CCDC3: variants seen among roughly 807,000 people sequenced by gnomAD.
The protein encoded by CCDC3 is coiled-coil domain containing 3.
Under a neutral mutation model 21.4 loss-of-function variants are expected in CCDC3, and 24 were observed. The observed-to-expected ratio is 1.12, with a 90% CI of 0.81 to 1.58. The LOEUF is 1.58. CCDC3 is among the 40% of genes most tolerant of loss of function. The probability of loss-of-function intolerance (pLI) is 0.00; values close to 1 mark genes in which losing one functional copy is unlikely to be tolerated. For missense variants in CCDC3, 425 were observed against 360.9 expected (o/e 1.18, Z -1.44); for synonymous variants, 186 against 166.0 (o/e 1.12, Z -0.93).
chr10:12,905,291 A>ATGTTT (rs1349653160), intron 2 of CCDC3, among the ~76,000 whole-genome samples: 1 of 152,240 alleles, frequency 6.6e-6, no homozygotes, highest in African/African-American at 2.4e-5. Flanking sequence ...TCATCAGTTT[A>ATGTTT]TGTTTTGTTT....
chr10:13,077,589 C>T lies in CCDC3; in HGVS notation c.-502-3489G>A, dbSNP rs187002563. Among the ~76,000 whole-genome samples the T allele has an allele frequency of 3.9e-3, 591 of 152,216 alleles. 3 individuals carry two copies. Among genetic ancestry groups the T allele is most frequent in the African/African-American group, 0.013 (546 of 41,520 alleles). On this transcript the variant is annotated intron_variant, in intron 3 of 6. Transcript: ENST00000378839. Reference sequence around the variant, plus strand: ...CAAAAGAACAAAGCTGGAGGCATCACGCTACCTGACTTCAAACTATACTAC... The same window carrying T: ...CAAAAGAACAAAGCTGGAGGCATCATGCTACCTGACTTCAAACTATACTAC...
chr10:13,060,937 A>C (rs889308905), intron 4 of CCDC3, among the ~76,000 whole-genome samples: 2 of 152,208 alleles, frequency 1.3e-5, no homozygotes, highest in African/African-American at 2.4e-5. Context: ...TGGAGTGAAA[A>C]ATTCAAGGAA....
At chr10:13,056,740 C>T (rs970601185) in intron 4 of CCDC3, among the ~76,000 whole-genome samples, 6 of 152,136 alleles carry the variant, frequency 3.9e-5, no homozygotes, top group Admixed American at 3.9e-4. Flanking sequence ...AGAATCAGAA[C>T]TTAGTACTCT....
intron 2 of CCDC3, among the ~76,000 whole-genome samples, chr10:12,970,844 C>A (rs547027181): frequency 2.0e-5 from 3 of 150,720 alleles, no homozygotes; most frequent in African/African-American, 7.3e-5. Context: ...GAGCTGAGAT[C>A]GCATCACTGC....
At chr10:12,924,555 C>T (rs909882588) in intron 2 of CCDC3, 14 of 152,190 alleles carry the variant, frequency 9.2e-5, no homozygotes, top group African/African-American at 2.4e-4. Flanking sequence ...GTGATCTCTA[C>T]GAGAGGCCCA....
chr10:13,076,891 G>A (rs889531464), intron 3 of CCDC3, among the ~76,000 whole-genome samples: 3 of 152,176 alleles, frequency 2.0e-5, no homozygotes, highest in East Asian at 1.9e-4. Context: ...GGACAGAGTA[G>A]CAGGGACAAG....
intron 2 of CCDC3, among the ~76,000 whole-genome samples, chr10:12,988,614 G>C (rs1041062871): frequency 2.0e-5 from 3 of 152,210 alleles, no homozygotes; most frequent in African/African-American, 7.2e-5. Context: ...GAAGTGTCAG[G>C]ATTACAGGCA....
At chr10:12,944,258 C>G (rs1206122194) in intron 2 of CCDC3, among the ~76,000 whole-genome samples, 1 of 152,186 alleles carries the variant, frequency 6.6e-6, no homozygotes, top group Non-Finnish European at 1.5e-5. Context: ...TTTTAGGGTC[C>G]AAGAAGACAT....
intron 5 of CCDC3, among the ~76,000 whole-genome samples, chr10:13,009,841 A>G (rs1163514296): frequency 2.6e-5 from 4 of 152,260 alleles, no homozygotes; most frequent in African/African-American, 7.2e-5. Flanking sequence ...CTTAGACATC[A>G]TCAAAATATC....
chr10:13,028,982 C>T (rs3911950), intron 5 of CCDC3, among the ~76,000 whole-genome samples: 19,355 of 152,204 alleles, frequency 0.13, 1,367 homozygotes, highest in Middle Eastern at 0.19. Flanking sequence ...CTTATTTGAT[C>T]AGTGAATGAC....
At chr10:12,941,229 A>G (rs539450657) in intron 2 of CCDC3, among the ~76,000 whole-genome samples, 2 of 152,346 alleles carry the variant, frequency 1.3e-5, no homozygotes, top group Admixed American at 6.5e-5. Flanking sequence ...CAGTTTAGAA[A>G]TGCCAAGGCC....
intron 2 of CCDC3, among the ~76,000 whole-genome samples, chr10:12,948,329 T>C (rs190187422): frequency 9.9e-5 from 15 of 152,186 alleles, no homozygotes; most frequent in Non-Finnish European, 2.2e-4. Context: ...GGTATGTCTT[T>C]ATTAGCAGCA....
At position 12,950,473 on chromosome 10, in the gene CCDC3, C is replaced by CCA. The variant is rs527746799; in HGVS notation, c.549+47863_549+47864dup. 5.9e-4 allele frequency among the ~76,000 whole-genome samples: 90 copies of CCA among 152,306 alleles called. 2 individuals are homozygous for CCA. The East Asian group carries it at 0.014, about 23-fold the overall frequency. ...AGCAACAATCTAAAGAATTCATCCA[C>CCA]CACCCCATCAGATTCTAGCCATTAA... On this transcript the variant is annotated intron_variant, in intron 2 of 2. Transcript: ENST00000378825.
chr10:13,025,107 A>AG (rs1288583222), intron 5 of CCDC3, among the ~76,000 whole-genome samples: 1 of 152,190 alleles, frequency 6.6e-6, no homozygotes, highest in African/African-American at 2.4e-5. Flanking sequence ...TGGGTTGACC[A>AG]GGGGGTTATT....
intron 5 of CCDC3, among the ~76,000 whole-genome samples, chr10:13,037,062 G>C (rs1340844831): frequency 6.6e-6 from 1 of 152,102 alleles, no homozygotes; most frequent in African/African-American, 2.4e-5. Context: ...CAGGATTATA[G>C]GCATGAGTCA....
At chr10:13,058,688 G>A (rs750217044) in intron 4 of CCDC3, 4 of 434,486 alleles carry the variant, frequency 9.2e-6, no homozygotes, top group African/African-American at 4.0e-5. Context: ...CTGTGGAACA[G>A]AGACCTGCAT....
At chr10:12,956,915 GC>G (rs1171664912) in intron 2 of CCDC3, among the ~76,000 whole-genome samples, 8 of 152,166 alleles carry the variant, frequency 5.3e-5, no homozygotes, top group Non-Finnish European at 1.2e-4. Context: ...ATTTGTTCTA[GC>G]CAGCAACCCA....
intron 2 of CCDC3, among the ~76,000 whole-genome samples, chr10:12,952,616 T>TGGGTAA: frequency 6.6e-6 from 1 of 152,212 alleles, no homozygotes; most frequent in East Asian, 1.9e-4. Context: ...AACTTCATCC[T>TGGGTAA]TTGGCATTGA....
intron 2 of CCDC3, among the ~76,000 whole-genome samples, chr10:12,973,591 C>A (rs1835373995): frequency 6.6e-6 from 1 of 152,202 alleles, no homozygotes; most frequent in Non-Finnish European, 1.5e-5. Flanking sequence ...GGGTGGGTTC[C>A]CAGCACAACC....
Sources: allele counts gnomAD v4.1 joint callset (sites outside exome capture counted in the v4.1 genomes callset), GRCh38; gene constraint gnomAD v4.1.1; transcripts MANE v1.5; gene names NCBI Gene and HGNC (gene_info 2026-07-23, HGNC 2026-07-21).